Variants in DPP10 observed in about 807,000 individuals in gnomAD.
DPP10 encodes the protein inactive dipeptidyl peptidase 10.
Under a neutral mutation model 120.9 loss-of-function variants are expected in DPP10, and 33 were observed. The ratio of observed to expected loss-of-function variants is 0.27; its 90% CI spans 0.21 to 0.37. The LOEUF (loss-of-function observed/expected upper bound fraction) is 0.37, where lower values mean the gene tolerates loss of function less well. DPP10 is among the 10% of genes least tolerant of loss of function. The pLI, the probability that DPP10 is intolerant of heterozygous loss-of-function variation, is 1.00. For synonymous variants in DPP10, 337 were observed against 326.1 expected (o/e 1.03, Z -0.36); for missense variants, 816 against 942.8 (o/e 0.87, Z 1.76).
At chr2:115,141,130 C>G (rs960373879) in intron 1 of DPP10, among the ~76,000 whole-genome samples, 6 of 152,084 alleles carry the variant, frequency 3.9e-5, no homozygotes, top group African/African-American at 1.4e-4. Context: ...AATATTTTAT[C>G]TTCTAAACAT....
rs538209296 is a variant in DPP10, at chr2:114,674,668, C to T, written c.60+231830C>T. On this transcript the variant is annotated intron_variant, in intron 1 of 25. Coordinates refer to ENST00000410059, the MANE Select transcript of DPP10 (RefSeq NM_020868.6). The stretch of plus-strand genomic sequence containing the variant: ...TGGCAGGTAATAAATTTTTAAGTGG[C>T]TTTGCACTGGAAAGATGGACTAGAT... 3.9e-5 allele frequency among the ~76,000 whole-genome samples: 6 copies of T among 152,208 alleles called. No individual in the cohort carries two copies. The South Asian group carries it at 1.2e-3, about 32-fold the overall frequency.
At chr2:115,829,323 A>G (rs749848640) in intron 21 of DPP10, among the ~76,000 whole-genome samples, 15 of 152,178 alleles carry the variant, frequency 9.9e-5, no homozygotes, top group Non-Finnish European at 1.9e-4. Flanking sequence ...GATACCAACT[A>G]AGAATTAAGT....
At chr2:115,234,854 G>A (rs961713864) in intron 1 of DPP10, among the ~76,000 whole-genome samples, 6 of 151,884 alleles carry the variant, frequency 4.0e-5, no homozygotes, top group Non-Finnish European at 5.9e-5. Flanking sequence ...TTTCTATCAC[G>A]GTCTTGTTTA....
intron 2 of DPP10, among the ~76,000 whole-genome samples, chr2:115,331,821 T>C (rs946101944): frequency 2.0e-5 from 3 of 152,196 alleles, no homozygotes; most frequent in African/African-American, 7.2e-5. Flanking sequence ...TGGATTCGGT[T>C]TGCCAGTATT....
chr2:114,978,731 A>C (rs994749615), intron 1 of DPP10, among the ~76,000 whole-genome samples: 7 of 152,156 alleles, frequency 4.6e-5, no homozygotes, highest in African/African-American at 1.4e-4. Context: ...AAAAAATGAC[A>C]CTAATATTTT....
chr2:115,111,377 G>A (rs1443246850), intron 1 of DPP10, among the ~76,000 whole-genome samples: 5 of 152,024 alleles, frequency 3.3e-5, no homozygotes, highest in African/African-American at 1.2e-4. Context: ...GATCAACTTG[G>A]TGGGGGATAA....
intron 5 of DPP10, among the ~76,000 whole-genome samples, chr2:115,651,842 C>T (rs1197513750): frequency 1.3e-5 from 2 of 152,058 alleles, no homozygotes; most frequent in Non-Finnish European, 2.9e-5. Flanking sequence ...TTTTTACCAA[C>T]AGTGACATGC....
intron 8 of DPP10, among the ~76,000 whole-genome samples, chr2:115,736,496 A>G (rs1005535037): frequency 1.1e-4 from 16 of 152,066 alleles, no homozygotes; most frequent in African/African-American, 3.6e-4. Flanking sequence ...GGTAATGTGG[A>G]TTATTATGGT....
intron 1 of DPP10, among the ~76,000 whole-genome samples, chr2:114,954,274 AG>A (rs1698035947): frequency 6.6e-6 from 1 of 151,834 alleles, no homozygotes; most frequent in Non-Finnish European, 1.5e-5. Flanking sequence ...TAGTAGAGAC[AG>A]GGTTTCACCG....
At position 114,863,402 on chromosome 2, in the gene DPP10, T is replaced by C. The variant is rs531204006; in HGVS notation, c.60+420564T>C. 2.0e-5 allele frequency among the ~76,000 whole-genome samples: 3 copies of C among 152,282 alleles called. No homozygotes were observed. In the East Asian group the frequency reaches 5.8e-4, roughly 29 times the overall value. ...GATCAAAAGTAAAGTTGGGTGGGAC[T>C]GGTGAGATGAAGTGAAGTATCAGAC... On this transcript the variant is annotated intron_variant, in intron 1 of 25. Coordinates refer to ENST00000410059, the MANE Select transcript of DPP10 (RefSeq NM_020868.6).
At chr2:115,600,938 C>T (rs919638373) in intron 5 of DPP10, among the ~76,000 whole-genome samples, 3 of 152,118 alleles carry the variant, frequency 2.0e-5, no homozygotes, top group Non-Finnish European at 4.4e-5. Flanking sequence ...GTGTAGCCAA[C>T]GATTGCAGTT....
intron 1 of DPP10, among the ~76,000 whole-genome samples, chr2:114,776,470 C>A (rs319839): frequency 0.47 from 71,814 of 151,990 alleles, 17,100 homozygotes; most frequent in Admixed American, 0.51. Flanking sequence ...TAGCTTTTCT[C>A]TACTGAATGC....
chr2:115,289,376 A>G (rs186455755), intron 1 of DPP10, among the ~76,000 whole-genome samples: 23 of 152,044 alleles, frequency 1.5e-4, no homozygotes, highest in Non-Finnish European at 3.2e-4. Flanking sequence ...AAATGGCCAT[A>G]CTGTCCAAAG....
In DPP10 at chr2:115,103,458, G is replaced by C. The variant is rs530159177; in HGVS notation, c.61-205781G>C. 7.9e-5 allele frequency among the ~76,000 whole-genome samples: 12 copies of C among 152,270 alleles called. No individual in the cohort carries two copies. In the East Asian group the frequency reaches 2.3e-3, roughly 29 times the overall value. On this transcript the variant is annotated intron_variant, in intron 1 of 25. Transcript: ENST00000410059. ...CTGCCTCAGCCTCCCAAAGTGCTGG[G>C]ATTACAGGCGTGGGCAACCACGCCT...
chr2:115,257,056 C>T (rs972739496), intron 1 of DPP10, among the ~76,000 whole-genome samples: 1 of 152,222 alleles, frequency 6.6e-6, no homozygotes, highest in Non-Finnish European at 1.5e-5. Flanking sequence ...TTACTTCCAT[C>T]TGAGACCTTG....
intron 1 of DPP10, among the ~76,000 whole-genome samples, chr2:115,308,088 G>A (rs893295110): frequency 6.6e-6 from 1 of 152,062 alleles, no homozygotes; most frequent in Admixed American, 6.6e-5. Context: ...TTTATTTAGA[G>A]TCTAGTTCTT....
chr2:115,775,755 A>G (rs1056542273), intron 13 of DPP10, among the ~76,000 whole-genome samples: 4 of 152,184 alleles, frequency 2.6e-5, no homozygotes, highest in Non-Finnish European at 5.9e-5. Context: ...AAGCTTAAAA[A>G]TACTAAACCA....
intron 5 of DPP10, among the ~76,000 whole-genome samples, chr2:115,660,671 T>TTTTTTTTTC: frequency 1.4e-5 from 2 of 145,546 alleles, no homozygotes; most frequent in African/African-American, 2.5e-5. Context: ...TTTTTTTTTT[T>TTTTTTTTTC]TTTTTTTTGC....
chr2:114,811,291 A>G (rs762867996), intron 1 of DPP10, among the ~76,000 whole-genome samples: 1 of 152,210 alleles, frequency 6.6e-6, no homozygotes, highest in Admixed American at 6.5e-5. Context: ...GCTTAAATTC[A>G]TATGATGAGG....
Sources: gnomAD v4.1 joint callset for allele counts (sites outside exome capture counted in the v4.1 genomes callset) on GRCh38, gnomAD v4.1.1 for gene constraint, MANE v1.5 for transcripts, NCBI Gene and HGNC (gene_info 2026-07-23, HGNC 2026-07-21) for gene names.